The following GKN2 variants were observed in gnomAD, a reference collection of about 807,000 sequenced individuals.
The protein encoded by GKN2 is gastrokine 2, also known as gastrokine-2.
In GKN2, 17 loss-of-function variants were observed where a neutral mutation model predicts 22.7. The observed-to-expected ratio is 0.75, with a 90% CI of 0.51 to 1.13. GKN2 has a LOEUF of 1.13. Among genes scored for constraint, GKN2 ranks in the 50% most tolerant of loss-of-function variants. The pLI, the probability that GKN2 is intolerant of heterozygous loss-of-function variation, is 0.00. For missense variants in GKN2, 248 were observed against 221.4 expected (o/e 1.12, Z -0.76); for synonymous variants, 82 against 79.6 (o/e 1.03, Z -0.16).
intron 1 of GKN2, among the ~76,000 whole-genome samples, 172 bp downstream of exon 1, chr2:68,952,678 G>T (rs1270156650): frequency 6.6e-6 from 1 of 152,110 alleles, no homozygotes; most frequent in Non-Finnish European, 1.5e-5. Flanking sequence ...GACAAAAAAA[G>T]TCAGACTTAT....
chr2:68,946,308 G>A lies in GKN2; in HGVS notation c.468C>T (p.Asn156=), dbSNP rs370608252. 6.2e-7 allele frequency: 1 copy of A among 1,607,026 alleles called. No individual in the cohort carries two copies. The highest frequency in any genetic ancestry group is 1.3e-5 in the African/African-American group (1 of 74,704). The change falls in exon 5 of 6, where the codon AAC becomes AAT. Residue 156 remains asparagine (N), a synonymous_variant. Transcript: ENST00000328895. ...IPLYKGEVVE[N]THNVGAGGCA... ...GAATGACTTATTGGTACTCACGTGT[G>A]TTTTCAACCACTTCCCCCTTATACA...
At chr2:68,946,212 T>G (rs1021960701) in intron 5 of GKN2, 92 bp downstream of exon 5, 8 of 1,085,652 alleles carry the variant, frequency 7.4e-6, no homozygotes, top group East Asian at 4.8e-5. Flanking sequence ...CTGTTCCCAT[T>G]TATTTGCATT....
Position 68,952,887 on chromosome 2 carries a change from A to G in GKN2, c.-26T>C, listed in dbSNP as rs1669878697. On this transcript the variant is annotated 5_prime_UTR_variant, in exon 1 of 6. Transcript: ENST00000328895. ...TTTGCCTGGGAGAGGAAGGTGCTGGAGTAAGTAAAGCTGCCCTGTGCAGCT... is the reference window on the plus strand; with the variant it reads ...TTTGCCTGGGAGAGGAAGGTGCTGGGGTAAGTAAAGCTGCCCTGTGCAGCT... The G allele has an allele frequency of 6.2e-7, 1 of 1,613,278 alleles. No homozygotes were observed. Among genetic ancestry groups the G allele is most frequent in the Non-Finnish European group, 8.5e-7 (1 of 1,179,598 alleles).
In GKN2 at chr2:68,950,722, T is replaced by A. The variant is rs754995202; in HGVS notation, c.46A>T (p.Ile16Leu). The A allele has an allele frequency of 6.2e-7, 1 of 1,614,112 alleles. No individual in the cohort carries two copies. The highest frequency in any genetic ancestry group is 1.1e-5 in the South Asian group (1 of 91,092). Residue 16 changes from isoleucine to leucine, a missense_variant, in exon 2 of 6, where the codon ATA becomes TTA. Transcript: ENST00000328895. ...AFLVVLTIFG[I>L]QSHGYEVFNI... ...CTCACCTCGTATCCATGAGATTGTATCCCAAAGATGGTCAGCACCACCAGA... is the reference window on the plus strand; with the variant it reads ...CTCACCTCGTATCCATGAGATTGTAACCCAAAGATGGTCAGCACCACCAGA...
chr2:68,951,735 G>C (rs538707905), intron 1 of GKN2, among the ~76,000 whole-genome samples: 1 of 152,288 alleles, frequency 6.6e-6, no homozygotes, highest in African/African-American at 2.4e-5. Context: ...ACCAGCTCCA[G>C]CAACATATGA....
chr2:68,952,736 T>C, intron 1 of GKN2, 114 bp downstream of exon 1: 1 of 942,732 alleles, frequency 1.1e-6, no homozygotes, highest in Non-Finnish European at 1.6e-6. Flanking sequence ...CACAGAAGCT[T>C]AGAAGCATGC....
Sources: gnomAD v4.1 joint callset for allele counts (sites outside exome capture counted in the v4.1 genomes callset) on GRCh38, gnomAD v4.1.1 for gene constraint, MANE v1.5 for transcripts, NCBI Gene and HGNC (gene_info 2026-07-23, HGNC 2026-07-21) for gene names.